The following STK33 variants were observed in gnomAD, a reference collection of about 807,000 sequenced individuals.
STK33 encodes serine/threonine kinase 33.
STK33 carries 52 observed loss-of-function variants against 58.0 expected under a neutral mutation model. The observed-to-expected ratio is 0.90, with a 90% CI of 0.72 to 1.13. The LOEUF is 1.13. Ranked by LOEUF, STK33 falls within the 50% of genes most tolerant of loss-of-function variation. The pLI is 0.00. For synonymous variants in STK33, 215 were observed against 200.1 expected (o/e 1.07, Z -0.63); for missense variants, 630 against 604.2 (o/e 1.04, Z -0.45).
At chr11:8,582,030 T>C (rs979089088) in intron 1 of STK33, among the ~76,000 whole-genome samples, 2 of 152,226 alleles carry the variant, frequency 1.3e-5, no homozygotes, top group African/African-American at 4.8e-5. Flanking sequence ...TCCCACTTCC[T>C]ATTCTTAAAT....
chr11:8,524,196 T>C (rs1953824675), intron 1 of STK33, among the ~76,000 whole-genome samples: 1 of 152,220 alleles, frequency 6.6e-6, no homozygotes, highest in African/African-American at 2.4e-5. Flanking sequence ...CGCAGGGTCC[T>C]CTGCCTAGGA....
At chr11:8,380,577 A>G in the STK33 span, among the ~76,000 whole-genome samples, 5 of 148,800 alleles carry the variant, frequency 3.4e-5, no homozygotes, top group African/African-American at 1.2e-4. Context: ...AAAAAAAAAA[A>G]TGGCTGTTAT....
At chr11:8,576,649 T>C (rs1384603947) in intron 1 of STK33, among the ~76,000 whole-genome samples, 3 of 152,226 alleles carry the variant, frequency 2.0e-5, no homozygotes, top group African/African-American at 4.8e-5. Context: ...TTTGGGAATA[T>C]TGTCTCACTT....
chr11:8,428,598 A>G (rs969000865), intron 14 of STK33, among the ~76,000 whole-genome samples: 1 of 152,238 alleles, frequency 6.6e-6, no homozygotes, highest in Non-Finnish European at 1.5e-5. Flanking sequence ...TAACTCAAAC[A>G]GCTGTGATGA....
At chr11:8,535,862 T>C (rs1036321620) in intron 1 of STK33, among the ~76,000 whole-genome samples, 4 of 152,200 alleles carry the variant, frequency 2.6e-5, no homozygotes, top group Admixed American at 6.5e-5. Context: ...GATGAATAGA[T>C]AAAGAAAATG....
intron 1 of STK33, among the ~76,000 whole-genome samples, chr11:8,586,727 G>A (rs533281647): frequency 2.0e-4 from 30 of 150,054 alleles, no homozygotes; most frequent in Non-Finnish European, 3.2e-4. Flanking sequence ...GGGAGGCTGA[G>A]GCAGCAGAAT....
At chr11:8,398,325 G>A (rs1019058662) in intron 15 of STK33, among the ~76,000 whole-genome samples, 1 of 152,150 alleles carries the variant, frequency 6.6e-6, no homozygotes, top group African/African-American at 2.4e-5. Flanking sequence ...TTAAAGCAAA[G>A]AATTTTCAAC....
the STK33 span, among the ~76,000 whole-genome samples, chr11:8,381,377 T>C: frequency 2.0e-5 from 3 of 152,180 alleles, no homozygotes; most frequent in African/African-American, 7.2e-5. Flanking sequence ...GAGAGTCTCC[T>C]GGCTGCCCCT....
chr11:8,354,517 C>CACA, the STK33 span, among the ~76,000 whole-genome samples: 40 of 146,228 alleles, frequency 2.7e-4, no homozygotes, highest in East Asian at 4.1e-4. Context: ...CACACACACA[C>CACA]CCCTCAGACA....
intron 1 of STK33, among the ~76,000 whole-genome samples, chr11:8,578,563 A>G (rs1332814127): frequency 6.6e-6 from 1 of 151,914 alleles, no homozygotes; most frequent in Admixed American, 6.6e-5. Flanking sequence ...TATATATAAT[A>G]TACTATATGT....
chr11:8,342,856 G>C, the STK33 span, among the ~76,000 whole-genome samples: 1 of 152,170 alleles, frequency 6.6e-6, no homozygotes, highest in Non-Finnish European at 1.5e-5. Flanking sequence ...CCAGACCAAA[G>C]AGCAAAAGGA....
chr11:8,460,071 A>G (rs978037524), intron 8 of STK33, among the ~76,000 whole-genome samples: 19 of 152,224 alleles, frequency 1.2e-4, no homozygotes, highest in African/African-American at 4.6e-4. Flanking sequence ...AGCAAGCTTC[A>G]AAAAGTATCA....
chr11:8,412,914 G>C (rs1241404084), intron 15 of STK33, among the ~76,000 whole-genome samples: 2 of 152,018 alleles, frequency 1.3e-5, no homozygotes, highest in Non-Finnish European at 2.9e-5. Context: ...TCATTAAAAA[G>C]AATAAAACTG....
chr11:8,423,844 T>C (rs371590597), intron 14 of STK33, among the ~76,000 whole-genome samples: 1 of 152,086 alleles, frequency 6.6e-6, no homozygotes, highest in East Asian at 1.9e-4. Context: ...CATGCAATGT[T>C]GTCAATTTTT....
intron 1 of STK33, among the ~76,000 whole-genome samples, chr11:8,501,754 A>G (rs1951530105): frequency 6.6e-6 from 1 of 152,248 alleles, no homozygotes; most frequent in Non-Finnish European, 1.5e-5. Context: ...AGCATTATTC[A>G]TAATAGCCAA....
intron 1 of STK33, among the ~76,000 whole-genome samples, chr11:8,486,405 C>T (rs1300107953): frequency 6.6e-6 from 1 of 151,576 alleles, no homozygotes; most frequent in African/African-American, 2.4e-5. Flanking sequence ...GTACTCTCAG[C>T]CTGGAACACT....
At chr11:8,425,160 G>A (rs949465242) in intron 14 of STK33, among the ~76,000 whole-genome samples, 4 of 151,850 alleles carry the variant, frequency 2.6e-5, no homozygotes, top group Admixed American at 2.0e-4. Context: ...ATTAATTTTT[G>A]TATAAGGTGT....
intron 12 of STK33, 129 bp downstream of exon 12, chr11:8,440,549 G>C (rs1183446640): frequency 1.0e-5 from 7 of 689,946 alleles, no homozygotes; most frequent in Non-Finnish European, 1.5e-5. Context: ...AGAGCTTTTA[G>C]AATGATCTCC....
chr11:8,425,794 T>C (rs1238006761), intron 14 of STK33, among the ~76,000 whole-genome samples: 4 of 152,182 alleles, frequency 2.6e-5, no homozygotes, highest in Non-Finnish European at 5.9e-5. Context: ...AGCCTGTTTT[T>C]GAAAAGGGAA....
Sources: allele counts gnomAD v4.1 joint callset (sites outside exome capture counted in the v4.1 genomes callset), GRCh38; gene constraint gnomAD v4.1.1; transcripts MANE v1.5; gene names NCBI Gene and HGNC (gene_info 2026-07-23, HGNC 2026-07-21).